Variants in SIL1 observed in about 807,000 individuals in gnomAD.
SIL1 encodes SIL1 nucleotide exchange factor, also known as nucleotide exchange factor SIL1.
Under a neutral mutation model 49.1 loss-of-function variants are expected in SIL1, and 40 were observed. The ratio of observed to expected loss-of-function variants is 0.81; its 90% CI spans 0.63 to 1.06. SIL1 has a LOEUF of 1.06. Among genes scored for constraint, SIL1 ranks in the 50% least tolerant of loss-of-function variants. The probability of loss-of-function intolerance (pLI) is 0.00; values close to 1 mark genes in which losing one functional copy is unlikely to be tolerated. For missense variants in SIL1, 500 were observed against 572.6 expected, an observed-to-expected ratio of 0.87 and a Z score of 1.29; for synonymous variants, 253 against 250.8, an observed-to-expected ratio of 1.01 and a Z score of -0.08.
At chr5:138,971,886 G>A (rs747258608) in intron 7 of SIL1, among the ~76,000 whole-genome samples, 4 of 152,010 alleles carry the variant, frequency 2.6e-5, no homozygotes, top group East Asian at 1.9e-4. Flanking sequence ...CAGGGCCCAC[G>A]GCACACTCTT....
intron 1 of SIL1, among the ~76,000 whole-genome samples, chr5:139,155,682 C>T (rs1751394814): frequency 6.6e-6 from 1 of 152,032 alleles, no homozygotes; most frequent in Admixed American, 6.5e-5. Context: ...GACCTGTTCC[C>T]CCAAAGACCA....
intron 5 of SIL1, among the ~76,000 whole-genome samples, chr5:139,039,534 C>G (rs1768993098): frequency 1.3e-5 from 2 of 152,058 alleles, no homozygotes; most frequent in Non-Finnish European, 2.9e-5. Context: ...TGGGATTTGC[C>G]AACACTCAGT....
chr5:138,961,943 T>G (rs1033023671), intron 7 of SIL1, among the ~76,000 whole-genome samples: 1 of 149,464 alleles, frequency 6.7e-6, no homozygotes, highest in Non-Finnish European at 1.5e-5. Flanking sequence ...TCTGCTGATG[T>G]TCTCTAGACT....
At chr5:138,996,769 C>T (rs1329607415) in intron 7 of SIL1, among the ~76,000 whole-genome samples, 3 of 152,096 alleles carry the variant, frequency 2.0e-5, no homozygotes, top group Non-Finnish European at 4.4e-5. Flanking sequence ...CCGCCTGCCT[C>T]GACCTCCCAA....
chr5:139,057,100 A>G (rs1323680983), intron 3 of SIL1, among the ~76,000 whole-genome samples: 1 of 151,700 alleles, frequency 6.6e-6, no homozygotes, highest in Non-Finnish European at 1.5e-5. Context: ...GTGCTTTGTT[A>G]AACAGATGCT....
rs370615715 is a variant in SIL1 at position 139,100,704 on chromosome 5, G to A, written c.244+20331C>T. The stretch of plus-strand genomic sequence containing the variant: ...TTTTGAAGACAGAGCTGTTGGGATC[G>A]GCTGTCAGACAGAATGTGGGGTCTT... On this transcript the variant is annotated intron_variant, in intron 3 of 9. Coordinates refer to ENST00000394817, the MANE Select transcript of SIL1 (RefSeq NM_022464.5). Among the ~76,000 whole-genome samples the A allele has an allele frequency of 2.6e-5, 4 of 152,232 alleles. No individual in the cohort carries two copies. In the East Asian group the frequency reaches 5.8e-4, roughly 22 times the overall value.
chr5:139,187,442 G>A (rs190471370), intron 1 of SIL1, among the ~76,000 whole-genome samples: 209 of 152,004 alleles, frequency 1.4e-3, no homozygotes, highest in Middle Eastern at 3.4e-3. Context: ...ACTGGAACCC[G>A]GGAGGCAGAG....
chr5:139,066,318 T>C (rs1354398533), intron 3 of SIL1, among the ~76,000 whole-genome samples: 1 of 152,162 alleles, frequency 6.6e-6, no homozygotes, highest in Non-Finnish European at 1.5e-5. Context: ...TTCTTAGTCC[T>C]TAATGCCATC....
intron 3 of SIL1, among the ~76,000 whole-genome samples, chr5:139,102,572 T>C (rs1258625068): frequency 1.3e-5 from 2 of 151,412 alleles, no homozygotes; most frequent in East Asian, 3.9e-4. Flanking sequence ...TCTCTAGGCA[T>C]CTGACTGCTG....
At chr5:139,112,660 G>A (rs534190721) in intron 3 of SIL1, among the ~76,000 whole-genome samples, 37 of 147,060 alleles carry the variant, frequency 2.5e-4, no homozygotes, top group Middle Eastern at 7.5e-3. Flanking sequence ...CCGGCCAGCC[G>A]CCCCATCCGG....
intron 1 of SIL1, among the ~76,000 whole-genome samples, chr5:139,144,330 A>T (rs1490308247): frequency 6.6e-6 from 1 of 152,202 alleles, no homozygotes; most frequent in East Asian, 1.9e-4. Flanking sequence ...TCTCTTAAAA[A>T]AACAAAAACA....
chr5:139,028,762 C>T (rs1234972432), intron 5 of SIL1, among the ~76,000 whole-genome samples: 3 of 152,214 alleles, frequency 2.0e-5, no homozygotes, highest in Admixed American at 2.0e-4. Context: ...CATATACTCA[C>T]TTACATGTAT....
intron 1 of SIL1, among the ~76,000 whole-genome samples, chr5:139,147,300 T>C (rs1205551527): frequency 2.0e-5 from 3 of 152,292 alleles, no homozygotes; most frequent in African/African-American, 7.2e-5. Context: ...AGCTGAACCC[T>C]ACCCTGAGAC....
At chr5:139,181,595 G>A (rs946356982) in intron 1 of SIL1, among the ~76,000 whole-genome samples, 3 of 152,180 alleles carry the variant, frequency 2.0e-5, no homozygotes, top group Admixed American at 2.0e-4. Flanking sequence ...GCAATTGCTG[G>A]TAAAATTGGC....
At chr5:139,041,577 G>A (rs758213803) in intron 5 of SIL1, among the ~76,000 whole-genome samples, 13 of 152,126 alleles carry the variant, frequency 8.5e-5, no homozygotes, top group Admixed American at 3.3e-4. Flanking sequence ...GCCAAGGTGG[G>A]CAGATCATTT....
chr5:139,185,770 G>A (rs1478064271), intron 1 of SIL1, among the ~76,000 whole-genome samples: 1 of 152,186 alleles, frequency 6.6e-6, no homozygotes, highest in African/African-American at 2.4e-5. Context: ...GATATCATTT[G>A]TGGCAACACT....
At position 138,969,285 on chromosome 5, in the gene SIL1, G is replaced by C. The variant is rs60030985; in HGVS notation, c.768-17401C>G. 4.5e-3 allele frequency among the ~76,000 whole-genome samples: 683 copies of C among 152,318 alleles called. 6 individuals carry two copies. The highest frequency in any genetic ancestry group is 0.016 in the African/African-American group (659 of 41,574). ...TAGGCACCGCCTGCCAGCCATGGCA[G>C]GACAGTCCACAGATATGTCCCCAGG... On this transcript the variant is annotated intron_variant, in intron 7 of 9. Transcript: ENST00000394817.
chr5:139,149,832 G>A (rs1231032751), intron 1 of SIL1, among the ~76,000 whole-genome samples: 1 of 152,208 alleles, frequency 6.6e-6, no homozygotes, highest in Non-Finnish European at 1.5e-5. Context: ...GGAGCAAAGG[G>A]CTTATGGAGA....
chr5:139,171,463 G>T (rs551852939), intron 1 of SIL1, among the ~76,000 whole-genome samples: 88 of 152,284 alleles, frequency 5.8e-4, no homozygotes, highest in Middle Eastern at 3.4e-3. Context: ...GATTAAGGGT[G>T]GTGCAAGATG....
Sources: allele counts gnomAD v4.1 joint callset (sites outside exome capture counted in the v4.1 genomes callset), GRCh38; gene constraint gnomAD v4.1.1; transcripts MANE v1.5; gene names NCBI Gene and HGNC (gene_info 2026-07-23, HGNC 2026-07-21).